PLXNA4: variants seen among roughly 807,000 people sequenced by gnomAD.
The protein encoded by PLXNA4 is plexin-A4.
A neutral mutation model predicts 191.8 loss-of-function variants in PLXNA4; 44 were observed. The observed-to-expected ratio is 0.23, with a 90% CI of 0.18 to 0.29. PLXNA4 has a LOEUF of 0.29. Ranked by LOEUF, PLXNA4 falls within the 10% of genes least tolerant of loss-of-function variation. The probability of loss-of-function intolerance (pLI) is 1.00; values close to 1 mark genes in which losing one functional copy is unlikely to be tolerated. For missense variants in PLXNA4, 1,800 were observed against 2,488.8 expected, an observed-to-expected ratio of 0.72 and a Z score of 5.89; for synonymous variants, 1,082 against 1,009.5, an observed-to-expected ratio of 1.07 and a Z score of -1.36.
At chr7:132,313,307 T>C (rs918396249) in intron 3 of PLXNA4, among the ~76,000 whole-genome samples, 24 of 152,228 alleles carry the variant, frequency 1.6e-4, no homozygotes, top group Non-Finnish European at 3.2e-4. Flanking sequence ...GGTTTTGAAA[T>C]AATTCTCCTT....
At chr7:132,427,243 G>A (rs1167284790) in intron 3 of PLXNA4, among the ~76,000 whole-genome samples, 1 of 152,208 alleles carries the variant, frequency 6.6e-6, no homozygotes. Context: ...TCAGAGAAAT[G>A]GCGCACTGGA....
At chr7:132,609,497 C>T (rs561948572) in intron 2 of PLXNA4, among the ~76,000 whole-genome samples, 53 of 152,300 alleles carry the variant, frequency 3.5e-4, no homozygotes, top group African/African-American at 1.2e-3. Flanking sequence ...TCCCTTCCAC[C>T]ACCCTTCTTG....
intron 2 of PLXNA4, among the ~76,000 whole-genome samples, chr7:132,596,689 CTA>C (rs1185138770): frequency 7.2e-5 from 11 of 152,098 alleles, no homozygotes; most frequent in African/African-American, 2.7e-4. Flanking sequence ...TGGCTCCATG[CTA>C]GAGTCCTAGA....
intron 1 of PLXNA4, among the ~76,000 whole-genome samples, chr7:132,563,088 C>T (rs1030960693): frequency 2.4e-4 from 16 of 66,054 alleles, no homozygotes; most frequent in East Asian, 4.7e-4. Context: ...TCTCCTCCTC[C>T]TCTTCTTCCT....
Position 132,140,772 on chromosome 7 carries a change from C to G in PLXNA4, c.5265G>C (p.Pro1755=). The G allele has an allele frequency of 6.2e-7, 1 of 1,613,896 alleles. No individual in the cohort carries two copies. The highest frequency in any genetic ancestry group is 8.5e-7 in the Non-Finnish European group (1 of 1,179,988). Residue 1755 remains proline (P), a synonymous_variant, in exon 30 of 32, where the codon CCG becomes CCC. Coordinates refer to ENST00000321063, the MANE Select transcript of PLXNA4 (RefSeq NM_020911.2). The part of the protein sequence containing the change: ...LRFWVNMIKN[P]QFVFDIHKNS... ...TCTTATGGATGTCAAACACAAACTG[C>G]GGGTTCTTGATCATGTTGACCCAAA...
chr7:132,552,461 G>A (rs1190046486), intron 1 of PLXNA4, among the ~76,000 whole-genome samples: 1 of 152,290 alleles, frequency 6.6e-6, no homozygotes, highest in East Asian at 1.9e-4. Flanking sequence ...AAGATGCTAG[G>A]CACTGGGAAA....
rs1336526975 is a variant in PLXNA4 at position 132,563,817 on chromosome 7, TCTC to T, written c.-87+12602_-87+12604del. Among the ~76,000 whole-genome samples, 152 of 28,432 alleles carry T rather than the reference TCTC, an allele frequency of 5.3e-3. 3 individuals carry two copies. The highest frequency in any genetic ancestry group is 0.019 in the African/African-American group (146 of 7,814). The allele number at this position is 28,432 out of a possible 152,430, so 18.7% of individuals were successfully genotyped here. A position where few individuals can be genotyped will look rare whatever the true frequency, so the allele number is the denominator to read the frequency against. On this transcript the variant is annotated intron_variant, in intron 1 of 31. Transcript: ENST00000321063. ...TTCTCCTCCTCCTTCTCCTCCTCCT[TCTC>T]CTCCTCCTTCTCCTCCTCCTCCTTC...
rs890729514 is a variant in PLXNA4, at chr7:132,378,571, A to G, written c.1372-80349T>C. On this transcript the variant is annotated intron_variant, in intron 3 of 31. Coordinates refer to ENST00000321063, the MANE Select transcript of PLXNA4 (RefSeq NM_020911.2). ...AGCTCCTTATTCCCTAAAAACTACC[A>G]GACATTCCAAGAAGTTTCATGGATA... 2.6e-5 allele frequency among the ~76,000 whole-genome samples: 4 copies of G among 152,176 alleles called. No homozygotes were observed. In the South Asian group the frequency reaches 8.3e-4, roughly 32 times the overall value.
chr7:132,439,982 A>G (rs1021586880), intron 3 of PLXNA4, among the ~76,000 whole-genome samples: 41 of 104,806 alleles, frequency 3.9e-4, no homozygotes, highest in African/African-American at 1.4e-3. Flanking sequence ...ACATGTGTGC[A>G]TGTGCATGTG....
Position 132,307,842 on chromosome 7 carries a change from G to A in PLXNA4, c.1372-9620C>T, listed in dbSNP as rs972513880. 5.0e-4 allele frequency among the ~76,000 whole-genome samples: 76 copies of A among 152,164 alleles called. 1 individual carries two copies. The highest frequency in any genetic ancestry group is 1.8e-3 in the African/African-American group (74 of 41,432). ...CAGCCAGGAGAAAGGGGATGCAAAG[G>A]GAACTGCAAGAGTGTAAACAATAAT... On this transcript the variant is annotated intron_variant, in intron 3 of 31. Coordinates refer to ENST00000321063, the MANE Select transcript of PLXNA4 (RefSeq NM_020911.2).
At chr7:132,404,363 A>G (rs564692072) in intron 3 of PLXNA4, among the ~76,000 whole-genome samples, 36 of 152,246 alleles carry the variant, frequency 2.4e-4, no homozygotes, top group Middle Eastern at 6.8e-3. Context: ...AACCAAAACG[A>G]TATGCAGCCC....
At chr7:132,269,329 T>C (rs893075788) in intron 4 of PLXNA4, among the ~76,000 whole-genome samples, 1 of 152,172 alleles carries the variant, frequency 6.6e-6, no homozygotes, top group African/African-American at 2.4e-5. Flanking sequence ...TCACAGCAAA[T>C]TTGAGCAGAA....
chr7:132,285,132 C>T (rs1328807401), intron 4 of PLXNA4, among the ~76,000 whole-genome samples: 1 of 152,200 alleles, frequency 6.6e-6, no homozygotes, highest in Non-Finnish European at 1.5e-5. Context: ...AGGCAATGAG[C>T]TAAGAATTTT....
At chr7:132,362,195 G>C (rs1396323567) in intron 3 of PLXNA4, among the ~76,000 whole-genome samples, 1 of 152,214 alleles carries the variant, frequency 6.6e-6, no homozygotes, top group African/African-American at 2.4e-5. Flanking sequence ...AGAGCAAGAT[G>C]GAGAGGCCTC....
At chr7:132,395,092 A>G (rs1381249965) in intron 3 of PLXNA4, among the ~76,000 whole-genome samples, 1 of 152,266 alleles carries the variant, frequency 6.6e-6, no homozygotes, top group African/African-American at 2.4e-5. Flanking sequence ...GCTGCTGATA[A>G]ACAGCTAGGG....
chr7:132,540,699 T>C (rs1168568448), intron 1 of PLXNA4, among the ~76,000 whole-genome samples: 1 of 147,138 alleles, frequency 6.8e-6, no homozygotes, highest in Non-Finnish European at 1.5e-5. Flanking sequence ...GCCATTCTCC[T>C]GCCTCAGCCT....
intron 3 of PLXNA4, among the ~76,000 whole-genome samples, chr7:132,337,206 G>T (rs1802852021): frequency 6.6e-6 from 1 of 152,232 alleles, no homozygotes; most frequent in Non-Finnish European, 1.5e-5. Context: ...AGGGAGAATG[G>T]CATGAGCCAA....
intron 4 of PLXNA4, among the ~76,000 whole-genome samples, chr7:132,251,787 A>G (rs1030105404): frequency 7.2e-5 from 11 of 152,224 alleles, no homozygotes; most frequent in African/African-American, 2.7e-4. Context: ...GTTCTGGACC[A>G]CAGGAGACTG....
At position 132,223,780 on chromosome 7, in the gene PLXNA4, T is replaced by C. The variant is rs566890818; in HGVS notation, c.1983-139A>G. ...GAATGTGCAGGAAGGGCAGATCTTA[T>C]GCACATCTATCCCTTTACTCCCCAA... is the stretch of plus-strand genomic sequence containing the variant. On this transcript the variant is annotated intron_variant, in intron 8 of 31. Transcript: ENST00000321063. 46 of 659,096 alleles carry C rather than the reference T, an allele frequency of 7.0e-5. No individual in the cohort carries two copies. In the Admixed American group the frequency reaches 9.8e-4, roughly 14 times the overall value. 40.8% of individuals were successfully genotyped at this position (659,096 alleles called of 1,614,324 possible). A position where few individuals can be genotyped will look rare whatever the true frequency, so the allele number is the denominator to read the frequency against.
Sources: gnomAD v4.1 joint callset for allele counts (sites outside exome capture counted in the v4.1 genomes callset) on GRCh38, gnomAD v4.1.1 for gene constraint, MANE v1.5 for transcripts, NCBI Gene and HGNC (gene_info 2026-07-23, HGNC 2026-07-21) for gene names.